Variants in DNAJC6 observed in about 807,000 individuals in gnomAD.
The protein encoded by DNAJC6 is DnaJ heat shock protein family (Hsp40) member C6, also known as auxilin.
DNAJC6 carries 34 observed loss-of-function variants against 110.0 expected under a neutral mutation model. That is an observed-to-expected ratio of 0.31 (90% CI 0.24 to 0.41). The LOEUF (loss-of-function observed/expected upper bound fraction) is 0.41, where lower values mean the gene tolerates loss of function less well. Among genes scored for constraint, DNAJC6 ranks in the 10% least tolerant of loss-of-function variants. DNAJC6 has a pLI of 1.00. For missense variants in DNAJC6, 1,031 were observed against 1,207.8 expected, an observed-to-expected ratio of 0.85 and a Z score of 2.17; for synonymous variants, 406 against 437.2, an observed-to-expected ratio of 0.93 and a Z score of 0.89.
At chr1:65,381,096 T>G (rs1645817564) in intron 5 of DNAJC6, among the ~76,000 whole-genome samples, 1 of 151,512 alleles carries the variant, frequency 6.6e-6, no homozygotes, top group South Asian at 2.1e-4. Context: ...TTTTTGTATT[T>G]TTAGTAGAGA....
chr1:65,324,094 C>T (rs1359529), intron 1 of DNAJC6, among the ~76,000 whole-genome samples: 111,731 of 152,112 alleles, frequency 0.73, 41,061 homozygotes, highest in East Asian at 0.83. Flanking sequence ...GGAGAATTTT[C>T]TCTCTTCAGT....
intron 1 of DNAJC6, among the ~76,000 whole-genome samples, chr1:65,360,729 C>T (rs1042164451): frequency 2.6e-5 from 4 of 152,156 alleles, no homozygotes; most frequent in Admixed American, 6.5e-5. Context: ...TAACACTAGC[C>T]GTAGTCTGTG....
At chr1:65,337,992 C>T (rs1304425828) in intron 1 of DNAJC6, among the ~76,000 whole-genome samples, 2 of 152,168 alleles carry the variant, frequency 1.3e-5, no homozygotes, top group African/African-American at 2.4e-5. Context: ...TCTGGTATCA[C>T]CAGATGTTCC....
intron 1 of DNAJC6, among the ~76,000 whole-genome samples, chr1:65,361,765 C>T (rs1400116396): frequency 1.3e-5 from 2 of 152,050 alleles, no homozygotes; most frequent in African/African-American, 2.4e-5. Flanking sequence ...GTGTACATAC[C>T]TTATTTACTG....
At chr1:65,364,609 TGTTTG>T (rs1645627561) in intron 1 of DNAJC6, 21 bp from the exon 2 acceptor site, 2 of 1,562,412 alleles carry the variant, frequency 1.3e-6, no homozygotes, top group Admixed American at 4.1e-5. Context: ...CATTTTTGTT[TGTTTG>T]TTTTTTTTTT....
intron 12 of DNAJC6, among the ~76,000 whole-genome samples, chr1:65,394,493 T>G (rs1645958845): frequency 6.6e-6 from 1 of 152,196 alleles, no homozygotes; most frequent in Non-Finnish European, 1.5e-5. Context: ...AGACTAAATT[T>G]TGAGCTCTTG....
chr1:65,314,648 A>G (rs1478932982), intron 1 of DNAJC6, among the ~76,000 whole-genome samples: 1 of 152,048 alleles, frequency 6.6e-6, no homozygotes, highest in Non-Finnish European at 1.5e-5. Context: ...ACCACCAGCC[A>G]GGCTAATTTT....
At chr1:65,389,723 A>G in intron 11 of DNAJC6, 96 bp downstream of exon 11, 1 of 1,338,298 alleles carries the variant, frequency 7.5e-7, no homozygotes, top group South Asian at 1.3e-5. Context: ...TTAAAGCAGC[A>G]CTTAGAGGTC....
chr1:65,265,527 ACT>A (rs762934314), intron 1 of DNAJC6, among the ~76,000 whole-genome samples: 1 of 151,954 alleles, frequency 6.6e-6, no homozygotes, highest in African/African-American at 2.4e-5. Flanking sequence ...ACCTCCCAAC[ACT>A]CTAATTCTGT....
At chr1:65,365,381 T>G (rs1645636285) in intron 2 of DNAJC6, among the ~76,000 whole-genome samples, 1 of 152,186 alleles carries the variant, frequency 6.6e-6, no homozygotes. Context: ...CAATATGCAG[T>G]TCTTAATCAG....
chr1:65,375,159 T>A (rs1182298590), intron 4 of DNAJC6, among the ~76,000 whole-genome samples: 1 of 152,086 alleles, frequency 6.6e-6, no homozygotes, highest in Admixed American at 6.6e-5. Flanking sequence ...AGACGGGGTT[T>A]CACCATGTTG....
At chr1:65,404,695 A>G (rs910932736) in intron 15 of DNAJC6, among the ~76,000 whole-genome samples, 1 of 152,214 alleles carries the variant, frequency 6.6e-6, no homozygotes, top group Non-Finnish European at 1.5e-5. Context: ...AAGTATCTAT[A>G]GAAAGAAGAG....
chr1:65,370,361 C>T (rs1222200578), intron 4 of DNAJC6, among the ~76,000 whole-genome samples: 1 of 152,212 alleles, frequency 6.6e-6, no homozygotes, highest in African/African-American at 2.4e-5. Context: ...TATACTTAAA[C>T]CTTTCTCATC....
intron 4 of DNAJC6, 78 bp downstream of exon 4, chr1:65,366,274 C>A: frequency 6.6e-7 from 1 of 1,510,594 alleles, no homozygotes; most frequent in Non-Finnish European, 9.0e-7. Context: ...CCTTAAAGCA[C>A]GTGCCCTTAG....
intron 1 of DNAJC6, among the ~76,000 whole-genome samples, chr1:65,267,913 G>C (rs764236230): frequency 2.7e-5 from 4 of 149,006 alleles, no homozygotes; most frequent in Admixed American, 6.7e-5. Flanking sequence ...TGTGTGTGTA[G>C]GTGTGACCAT....
intron 1 of DNAJC6, among the ~76,000 whole-genome samples, chr1:65,333,301 G>A (rs575737770): frequency 8.5e-5 from 13 of 152,192 alleles, no homozygotes; most frequent in Non-Finnish European, 1.6e-4. Flanking sequence ...GAAATAAATG[G>A]ACTCGTAGGT....
chr1:65,386,192 T>G (rs1392763099), intron 7 of DNAJC6, among the ~76,000 whole-genome samples: 1 of 152,086 alleles, frequency 6.6e-6, no homozygotes, highest in Non-Finnish European at 1.5e-5. Context: ...AAGAAGGAGA[T>G]GGCCTTGATG....
At chr1:65,313,046 C>T (rs746313472) in intron 1 of DNAJC6, among the ~76,000 whole-genome samples, 8 of 151,134 alleles carry the variant, frequency 5.3e-5, no homozygotes, top group South Asian at 4.2e-4. Context: ...GTGATCTGCC[C>T]GCCTTGACAT....
intron 13 of DNAJC6, among the ~76,000 whole-genome samples, chr1:65,398,143 T>A (rs1486476794): frequency 2.0e-5 from 3 of 152,196 alleles, no homozygotes; most frequent in Non-Finnish European, 4.4e-5. Context: ...AATATTTCTT[T>A]TAAATTATAT....
Sources: gnomAD v4.1 joint callset for allele counts (sites outside exome capture counted in the v4.1 genomes callset) on GRCh38, gnomAD v4.1.1 for gene constraint, MANE v1.5 for transcripts, NCBI Gene and HGNC (gene_info 2026-07-23, HGNC 2026-07-21) for gene names.